The following EHBP1 variants were observed in gnomAD, a reference collection of about 807,000 sequenced individuals.
EHBP1 encodes EH domain-binding protein 1.
Under a neutral mutation model 144.0 loss-of-function variants are expected in EHBP1, and 55 were observed. The observed-to-expected ratio is 0.38, with a 90% CI of 0.31 to 0.48. The LOEUF is 0.48. Among genes scored for constraint, EHBP1 ranks in the 20% least tolerant of loss-of-function variants. The pLI is 0.98. For synonymous variants in EHBP1, 469 were observed against 472.7 expected (o/e 0.99, Z 0.10); for missense variants, 1,200 against 1,364.2 (o/e 0.88, Z 1.90).
At chr2:62,938,339 G>C (rs1574140794) in intron 10 of EHBP1, among the ~76,000 whole-genome samples, 1 of 152,186 alleles carries the variant, frequency 6.6e-6, no homozygotes, top group East Asian at 1.9e-4. Context: ...AAACTATTTA[G>C]AGCAATGCCT....
intron 14 of EHBP1, among the ~76,000 whole-genome samples, chr2:62,978,262 G>A (rs961089105): frequency 2.7e-5 from 4 of 149,716 alleles, no homozygotes; most frequent in Non-Finnish European, 4.4e-5. Context: ...GTGCAGTGGC[G>A]TGATCTCAGC....
rs116425803 is a variant in EHBP1, at chr2:62,963,793, A to G, written c.2460+8133A>G. 9.7e-3 allele frequency among the ~76,000 whole-genome samples: 1,480 copies of G among 152,332 alleles called. 18 individuals carry two copies. The highest frequency in any genetic ancestry group is 0.016 in the Non-Finnish European group (1,114 of 68,008). On this transcript the variant is annotated intron_variant, in intron 14 of 22. Transcript: ENST00000431489. ...CTTTAATAACATACAGATTTTATTT[A>G]GGAATTTTTATTCTCCTATGAGCTG...
chr2:62,943,291 G>A (rs768874917), intron 11 of EHBP1, among the ~76,000 whole-genome samples: 6 of 146,912 alleles, frequency 4.1e-5, no homozygotes, highest in Admixed American at 7.1e-5. Context: ...TAGGAGAATC[G>A]CTTGAACCCA....
chr2:63,021,652 A>C (rs1398139800), intron 19 of EHBP1, among the ~76,000 whole-genome samples: 1 of 152,238 alleles, frequency 6.6e-6, no homozygotes, highest in Non-Finnish European at 1.5e-5. Context: ...AGAGAATGAC[A>C]TCAGAGATGG....
intron 7 of EHBP1, among the ~76,000 whole-genome samples, chr2:62,850,008 A>G (rs1041286463): frequency 6.6e-6 from 1 of 152,162 alleles, no homozygotes; most frequent in African/African-American, 2.4e-5. Flanking sequence ...GGGACCTATG[A>G]TGGGATCCTA....
intron 19 of EHBP1, among the ~76,000 whole-genome samples, chr2:62,997,060 A>AG (rs766821767): frequency 1.4e-4 from 22 of 152,114 alleles, no homozygotes; most frequent in Admixed American, 2.6e-4. Flanking sequence ...TTAAAAAAAA[A>AG]GTAAGATCTT....
intron 13 of EHBP1, among the ~76,000 whole-genome samples, 175 bp from the exon 14 acceptor site, chr2:62,955,342 A>G (rs949822832): frequency 6.6e-6 from 1 of 152,218 alleles, no homozygotes; most frequent in African/African-American, 2.4e-5. Context: ...CAAGATTTAT[A>G]TATTTGTTCC....
chr2:63,036,111 C>A (rs2061432234), intron 19 of EHBP1, among the ~76,000 whole-genome samples: 1 of 151,858 alleles, frequency 6.6e-6, no homozygotes, highest in Admixed American at 6.6e-5. Context: ...ATGTTTAATC[C>A]CTTACACACA....
intron 19 of EHBP1, among the ~76,000 whole-genome samples, chr2:63,009,073 A>T (rs897971534): frequency 5.3e-5 from 8 of 151,642 alleles, no homozygotes; most frequent in African/African-American, 1.9e-4. Context: ...CACTTGCAAA[A>T]TTGTTAATTA....
At chr2:63,025,164 TTAGG>T (rs1024661210) in intron 19 of EHBP1, among the ~76,000 whole-genome samples, 6 of 152,038 alleles carry the variant, frequency 3.9e-5, no homozygotes, top group African/African-American at 1.5e-4. Flanking sequence ...TTAGTGTAGA[TTAGG>T]TAGATATTTT....
At chr2:62,950,307 A>G (rs1399711405) in intron 13 of EHBP1, among the ~76,000 whole-genome samples, 4 of 152,136 alleles carry the variant, frequency 2.6e-5, no homozygotes, top group Admixed American at 2.6e-4. Flanking sequence ...TATCACTCTC[A>G]TTCTCTCACA....
intron 15 of EHBP1, among the ~76,000 whole-genome samples, chr2:62,982,283 T>C (rs1019237391): frequency 3.7e-4 from 56 of 152,254 alleles, no homozygotes; most frequent in African/African-American, 1.3e-3. Flanking sequence ...GTAAGCCATG[T>C]GCTGTCTGTC....
At chr2:62,836,232 A>G (rs2047239610) in intron 7 of EHBP1, among the ~76,000 whole-genome samples, 1 of 152,132 alleles carries the variant, frequency 6.6e-6, no homozygotes, top group South Asian at 2.1e-4. Context: ...GCAGGGGCAC[A>G]CTGACACCTC....
At chr2:62,809,010 AG>A (rs761265946) in intron 5 of EHBP1, among the ~76,000 whole-genome samples, 1 of 152,088 alleles carries the variant, frequency 6.6e-6, no homozygotes, top group Non-Finnish European at 1.5e-5. Context: ...AGAGCAGAGT[AG>A]GCCAGGCGCA....
intron 5 of EHBP1, among the ~76,000 whole-genome samples, chr2:62,816,502 TG>T (rs2045460593): frequency 6.6e-6 from 1 of 152,174 alleles, no homozygotes; most frequent in Non-Finnish European, 1.5e-5. Flanking sequence ...CCTTGAGAAC[TG>T]TTAGTCTAAA....
At chr2:62,927,160 T>C (rs1216675430) in intron 10 of EHBP1, among the ~76,000 whole-genome samples, 1 of 152,042 alleles carries the variant, frequency 6.6e-6, no homozygotes, top group Non-Finnish European at 1.5e-5. Flanking sequence ...CTCATAGAAG[T>C]AAAATGTAGA....
At chr2:62,790,827 T>G (rs1470300133) in intron 5 of EHBP1, among the ~76,000 whole-genome samples, 2 of 152,116 alleles carry the variant, frequency 1.3e-5, no homozygotes, top group South Asian at 4.1e-4. Context: ...AGTACAACCC[T>G]ATTCAATTAT....
intron 9 of EHBP1, among the ~76,000 whole-genome samples, chr2:62,868,099 G>C (rs909375488): frequency 6.6e-6 from 1 of 152,118 alleles, no homozygotes; most frequent in African/African-American, 2.4e-5. Context: ...ATTCAGCCAG[G>C]CACAGTGGCT....
chr2:62,874,869 C>T (rs923468330), intron 10 of EHBP1, among the ~76,000 whole-genome samples: 2 of 152,136 alleles, frequency 1.3e-5, no homozygotes, highest in South Asian at 2.1e-4. Flanking sequence ...GATGGACACC[C>T]ACCCACCGCC....
Sources: allele counts gnomAD v4.1 joint callset (sites outside exome capture counted in the v4.1 genomes callset), GRCh38; gene constraint gnomAD v4.1.1; transcripts MANE v1.5; gene names NCBI Gene and HGNC (gene_info 2026-07-23, HGNC 2026-07-21).